Variants in ANTXR2 observed in about 807,000 individuals in gnomAD.
ANTXR2 encodes the protein ANTXR cell adhesion molecule 2.
In ANTXR2, 44 loss-of-function variants were observed where a neutral mutation model predicts 73.7. That is an observed-to-expected ratio of 0.60 (90% CI 0.47 to 0.77). The LOEUF is 0.77. Among genes scored for constraint, ANTXR2 ranks in the 30% least tolerant of loss-of-function variants. The pLI, the probability that ANTXR2 is intolerant of heterozygous loss-of-function variation, is 0.00. For missense variants in ANTXR2, 604 were observed against 592.5 expected (o/e 1.02, Z -0.20); for synonymous variants, 217 against 205.9 (o/e 1.05, Z -0.46).
At chr4:79,983,414 G>A (rs946504054) in intron 14 of ANTXR2, among the ~76,000 whole-genome samples, 1 of 152,018 alleles carries the variant, frequency 6.6e-6, no homozygotes, top group Non-Finnish European at 1.5e-5. Context: ...TAGTTCATAA[G>A]TGGCAACTAA....
At chr4:79,908,483 T>C (rs2109924866) in intron 16 of ANTXR2, among the ~76,000 whole-genome samples, 1 of 152,244 alleles carries the variant, frequency 6.6e-6, no homozygotes, top group East Asian at 1.9e-4. Flanking sequence ...TTCCATTTTT[T>C]CCAAAAATGA....
At chr4:79,936,523 C>T (rs1357146463) in intron 16 of ANTXR2, among the ~76,000 whole-genome samples, 1 of 150,080 alleles carries the variant, frequency 6.7e-6, no homozygotes, top group Non-Finnish European at 1.5e-5. Flanking sequence ...CAAAAGTTTC[C>T]TTTTCTTTCA....
intron 16 of ANTXR2, among the ~76,000 whole-genome samples, chr4:79,937,191 C>A (rs1247082366): frequency 4.0e-5 from 6 of 151,890 alleles, no homozygotes; most frequent in African/African-American, 1.5e-4. Flanking sequence ...AAACCAGGTG[C>A]CTATTTCATA....
intron 9 of ANTXR2, 47 bp downstream of exon 9, chr4:80,033,425 T>C (rs959864379): frequency 2.2e-6 from 3 of 1,388,508 alleles, no homozygotes; most frequent in African/African-American, 1.5e-5. Flanking sequence ...TTGATGCTGA[T>C]GTGCTTTGCA....
intron 11 of ANTXR2, among the ~76,000 whole-genome samples, chr4:80,012,603 A>G (rs1731641361): frequency 6.6e-6 from 1 of 152,156 alleles, no homozygotes; most frequent in African/African-American, 2.4e-5. Flanking sequence ...TCAATGTAGA[A>G]TCTGGTTTAA....
intron 16 of ANTXR2, among the ~76,000 whole-genome samples, chr4:79,924,833 C>T (rs1246013978): frequency 6.6e-6 from 1 of 152,012 alleles, no homozygotes; most frequent in Non-Finnish European, 1.5e-5. Flanking sequence ...TCTTTGTTGA[C>T]TGAAACAAAC....
At chr4:79,935,768 T>C (rs1560881385) in intron 16 of ANTXR2, among the ~76,000 whole-genome samples, 1 of 152,236 alleles carries the variant, frequency 6.6e-6, no homozygotes, top group Non-Finnish European at 1.5e-5. Flanking sequence ...AAATCTAAGA[T>C]GAATTAGCAA....
At chr4:79,974,890 T>C (rs1196948106) in intron 16 of ANTXR2, among the ~76,000 whole-genome samples, 3 of 152,148 alleles carry the variant, frequency 2.0e-5, no homozygotes, top group Non-Finnish European at 4.4e-5. Flanking sequence ...TGTGAAATAT[T>C]ATAGCATTAT....
intron 16 of ANTXR2, among the ~76,000 whole-genome samples, chr4:79,921,895 G>A (rs1184865744): frequency 2.6e-5 from 4 of 151,694 alleles, no homozygotes; most frequent in Non-Finnish European, 5.9e-5. Context: ...TATTATATTT[G>A]AGAAAAACAA....
At chr4:79,937,260 A>C (rs957614089) in intron 16 of ANTXR2, among the ~76,000 whole-genome samples, 2 of 152,208 alleles carry the variant, frequency 1.3e-5, no homozygotes, top group African/African-American at 4.8e-5. Context: ...ATTTGGCTCA[A>C]CTAAGTTCCT....
At chr4:80,026,810 A>C (rs541458318) in intron 10 of ANTXR2, among the ~76,000 whole-genome samples, 2 of 152,244 alleles carry the variant, frequency 1.3e-5, no homozygotes, top group African/African-American at 4.8e-5. Context: ...CAGTATTTTA[A>C]ATTGTATCCT....
chr4:79,926,039 C>T (rs1727767768), intron 16 of ANTXR2, among the ~76,000 whole-genome samples: 1 of 151,974 alleles, frequency 6.6e-6, no homozygotes, highest in Admixed American at 6.6e-5. Flanking sequence ...ATGTGCTTTA[C>T]CTTGGAATGA....
At position 79,903,468 on chromosome 4, in the gene ANTXR2, CT is replaced by C. The variant is rs1304589618; in HGVS notation, c.*3960del. 8 of 152,164 alleles carry C rather than the reference CT, an allele frequency of 5.3e-5. No homozygotes were observed. The highest frequency in any genetic ancestry group is 1.9e-4 in the African/African-American group (8 of 41,516). The allele number at this position is 152,164 out of a possible 1,614,324, so 9.4% of individuals were successfully genotyped here. On this transcript the variant is annotated 3_prime_UTR_variant, in exon 17 of 17. Coordinates refer to ENST00000403729, the MANE Select transcript of ANTXR2 (RefSeq NM_058172.6). Reference sequence around the variant, plus strand: ...ATTTACATGTTGTACTGTGTACTTACTTATCAGCCTTTTCTTTTGGCAGGAG... The same window carrying C: ...ATTTACATGTTGTACTGTGTACTTACTATCAGCCTTTTCTTTTGGCAGGAG...
At chr4:79,995,234 C>T (rs1052519142) in intron 12 of ANTXR2, among the ~76,000 whole-genome samples, 1 of 151,942 alleles carries the variant, frequency 6.6e-6, no homozygotes, top group Non-Finnish European at 1.5e-5. Context: ...CTTATTTATA[C>T]ATGTCATCAT....
chr4:80,031,643 A>G lies in ANTXR2; in HGVS notation c.846T>C (p.Pro282=). Residue 282 remains proline, a synonymous_variant, in exon 10 of 17, where the codon CCT becomes CCC. Coordinates refer to ENST00000403729, the MANE Select transcript of ANTXR2 (RefSeq NM_058172.6). The part of the protein sequence containing the change: ...VQLNSMLCPA[P]ILNKAGETLD... ...CTTACTCTCCAGCTTTATTCAGGAT[A>G]GGTGCAGGACAAAGCATAGAATTAA... 6.5e-7 allele frequency: 1 copy of G among 1,528,166 alleles called. No individual in the cohort carries two copies. The highest frequency in any genetic ancestry group is 8.7e-7 in the Non-Finnish European group (1 of 1,145,800). 94.7% of individuals were successfully genotyped at this position (1,528,166 alleles called of 1,614,324 possible). A position where few individuals can be genotyped will look rare whatever the true frequency, so the allele number is the denominator to read the frequency against.
chr4:80,050,446 G>A (rs958104521), intron 7 of ANTXR2, among the ~76,000 whole-genome samples: 4 of 151,518 alleles, frequency 2.6e-5, no homozygotes, highest in African/African-American at 9.7e-5. Flanking sequence ...CCCGACAGAA[G>A]GATCAGGAGC....
At chr4:79,929,435 C>G (rs569382773) in intron 16 of ANTXR2, among the ~76,000 whole-genome samples, 3 of 152,240 alleles carry the variant, frequency 2.0e-5, no homozygotes, top group Admixed American at 2.0e-4. Flanking sequence ...TTGCTTGAAC[C>G]TGGGAGGTGG....
intron 3 of ANTXR2, among the ~76,000 whole-genome samples, chr4:80,059,726 G>A (rs999605437): frequency 1.3e-5 from 2 of 152,016 alleles, no homozygotes; most frequent in East Asian, 1.9e-4. Context: ...TTTCTTTGCT[G>A]AGAAGGGCAG....
chr4:79,912,931 T>C (rs746863810), intron 16 of ANTXR2, among the ~76,000 whole-genome samples: 2 of 152,200 alleles, frequency 1.3e-5, no homozygotes, highest in Non-Finnish European at 2.9e-5. Context: ...TATACCAGCA[T>C]GCTGCAGGTA....
Sources: allele counts gnomAD v4.1 joint callset (sites outside exome capture counted in the v4.1 genomes callset), GRCh38; gene constraint gnomAD v4.1.1; transcripts MANE v1.5; gene names NCBI Gene and HGNC (gene_info 2026-07-23, HGNC 2026-07-21).